The following WDR7 variants were observed in gnomAD, a reference collection of about 807,000 sequenced individuals.
The protein encoded by WDR7 is WD repeat-containing protein 7.
WDR7 carries 46 observed loss-of-function variants against 169.4 expected under a neutral mutation model. That is an observed-to-expected ratio of 0.27 (90% confidence interval 0.21 to 0.35). The LOEUF (loss-of-function observed/expected upper bound fraction) is 0.35, where lower values mean the gene tolerates loss of function less well. Among genes scored for constraint, WDR7 ranks in the 10% least tolerant of loss-of-function variants. WDR7 has a pLI of 1.00. For missense variants in WDR7, 1,534 were observed against 1,859.3 expected, an observed-to-expected ratio of 0.83 and a Z score of 3.22; for synonymous variants, 612 against 666.8, an observed-to-expected ratio of 0.92 and a Z score of 1.27.
At chr18:56,800,357 C>T (rs1231455351) in intron 19 of WDR7, among the ~76,000 whole-genome samples, 2 of 152,132 alleles carry the variant, frequency 1.3e-5, no homozygotes, top group African/African-American at 4.8e-5. Flanking sequence ...TATATCTTCA[C>T]CAGTTTGATC....
intron 19 of WDR7, among the ~76,000 whole-genome samples, chr18:56,814,900 T>C (rs1568210944): frequency 1.3e-5 from 2 of 152,124 alleles, no homozygotes; most frequent in Non-Finnish European, 2.9e-5. Flanking sequence ...TTAAAGCAAC[T>C]CTGAATAAGT....
chr18:56,856,850 T>C (rs1292545122), intron 20 of WDR7, among the ~76,000 whole-genome samples: 10 of 152,158 alleles, frequency 6.6e-5, no homozygotes, highest in Non-Finnish European at 1.2e-4. Context: ...GATTTTTAGC[T>C]GAGACCACAG....
chr18:56,814,813 A>G (rs1216520180), intron 19 of WDR7, among the ~76,000 whole-genome samples: 1 of 152,176 alleles, frequency 6.6e-6, no homozygotes, highest in East Asian at 1.9e-4. Context: ...TTAAAAAAAA[A>G]AATGCTTCTG....
chr18:57,030,891 AAAAAG>A (rs1314469646), downstream of WDR7: 3 of 152,166 alleles, frequency 2.0e-5, no homozygotes, highest in Non-Finnish European at 4.4e-5. Context: ...AAAAAAAAAA[AAAAAG>A]GACTACAGAG....
In WDR7 at chr18:56,897,314, G is replaced by A. The variant is rs76582192; in HGVS notation, c.3526+17149G>A. ...TTTTCACATGTAACCCAGGAAACATGTACAAGCATGTTCATAGCAAACAGT... is the reference window on the plus strand; with the variant it reads ...TTTTCACATGTAACCCAGGAAACATATACAAGCATGTTCATAGCAAACAGT... On this transcript the variant is annotated intron_variant, in intron 21 of 27. Transcript: ENST00000254442. 5.8e-3 allele frequency among the ~76,000 whole-genome samples: 875 copies of A among 151,950 alleles called. 7 individuals carry two copies. Among genetic ancestry groups the A allele is most frequent in the African/African-American group, 0.02 (833 of 41,506 alleles).
chr18:56,926,002 T>C (rs1257633770), intron 22 of WDR7, among the ~76,000 whole-genome samples: 1 of 152,224 alleles, frequency 6.6e-6, no homozygotes, highest in Non-Finnish European at 1.5e-5. Context: ...TATTAAGAGA[T>C]GAAATGTCTT....
intron 14 of WDR7, among the ~76,000 whole-genome samples, chr18:56,753,817 T>G (rs139558170): frequency 5.6e-4 from 85 of 152,192 alleles, no homozygotes; most frequent in African/African-American, 2.0e-3. Context: ...AGGGCCTATT[T>G]GTTAAAGCTC....
At chr18:56,757,775 C>T (rs577382837) in intron 15 of WDR7, among the ~76,000 whole-genome samples, 1 of 152,082 alleles carries the variant, frequency 6.6e-6, no homozygotes, top group South Asian at 2.1e-4. Context: ...AGTTTGAGAC[C>T]AGCCTGAGCA....
intron 25 of WDR7, among the ~76,000 whole-genome samples, chr18:56,951,705 C>G (rs567272128): frequency 6.6e-5 from 10 of 152,076 alleles, no homozygotes; most frequent in African/African-American, 2.4e-4. Flanking sequence ...TTTATATGCA[C>G]ACTATATGTA....
At chr18:56,729,783 G>T (rs2026542586) in intron 13 of WDR7, among the ~76,000 whole-genome samples, 1 of 152,052 alleles carries the variant, frequency 6.6e-6, no homozygotes, top group Admixed American at 6.6e-5. Context: ...GGAAATGTGA[G>T]TTTTAAATTT....
chr18:56,882,430 A>G (rs960319867), intron 21 of WDR7, among the ~76,000 whole-genome samples: 1 of 152,226 alleles, frequency 6.6e-6, no homozygotes, highest in East Asian at 1.9e-4. Context: ...TAATTGCAAA[A>G]TATATTTTCA....
At chr18:57,005,463 A>G (rs2048042254) in intron 26 of WDR7, among the ~76,000 whole-genome samples, 1 of 152,168 alleles carries the variant, frequency 6.6e-6, no homozygotes. Context: ...AGGAGTATGA[A>G]ATTGTTTATA....
chr18:56,913,801 A>C (rs2046585750), intron 21 of WDR7, among the ~76,000 whole-genome samples: 1 of 106,080 alleles, frequency 9.4e-6, no homozygotes, highest in African/African-American at 3.3e-5. Context: ...TTTCAAAAAA[A>C]TAAAATAAAA....
intron 13 of WDR7, among the ~76,000 whole-genome samples, chr18:56,720,266 G>T (rs1264622270): frequency 6.6e-6 from 1 of 151,910 alleles, no homozygotes; most frequent in Non-Finnish European, 1.5e-5. Context: ...GGGAGACATG[G>T]CCAAACTCTG....
At chr18:56,977,480 C>G (rs2047584660) in intron 26 of WDR7, among the ~76,000 whole-genome samples, 1 of 152,180 alleles carries the variant, frequency 6.6e-6, no homozygotes, top group African/African-American at 2.4e-5. Context: ...GCTGGCCTTG[C>G]AAACCTTAGT....
At chr18:57,030,288 G>A (rs1213976506), downstream of WDR7, 1 of 152,158 alleles carries the variant, frequency 6.6e-6, no homozygotes, top group East Asian at 1.9e-4. Context: ...TGTACTTCTT[G>A]TCTCTTAATT....
At chr18:57,032,842 T>TATATATATATAC (rs1555649900), downstream of WDR7, 8 of 121,966 alleles carry the variant, frequency 6.6e-5, no homozygotes, top group Non-Finnish European at 8.5e-5. Flanking sequence ...TATATATATA[T>TATATATATATAC]ATACAGTGTA....
intron 21 of WDR7, chr18:56,890,809 C>T (rs1026863652): frequency 6.6e-6 from 1 of 152,212 alleles, no homozygotes; most frequent in African/African-American, 2.4e-5. Context: ...CTTACCACCA[C>T]CTCTCACTTG....
intron 26 of WDR7, among the ~76,000 whole-genome samples, chr18:56,998,822 A>T (rs1303428195): frequency 6.6e-6 from 1 of 152,224 alleles, no homozygotes; most frequent in Admixed American, 6.5e-5. Context: ...GAAATAAGTG[A>T]TTATTCTACT....
Sources: gnomAD v4.1 joint callset for allele counts (sites outside exome capture counted in the v4.1 genomes callset) on GRCh38, gnomAD v4.1.1 for gene constraint, MANE v1.5 for transcripts, NCBI Gene and HGNC (gene_info 2026-07-23, HGNC 2026-07-21) for gene names.